HTR2C: variants seen among roughly 807,000 people sequenced by gnomAD.
HTR2C encodes 5-hydroxytryptamine receptor 2C.
In HTR2C, 5 loss-of-function variants were observed where a neutral mutation model predicts 21.0. The observed-to-expected ratio is 0.24, with a 90% CI of 0.12 to 0.50. The LOEUF (loss-of-function observed/expected upper bound fraction) is 0.50, where lower values mean the gene tolerates loss of function less well. Among genes scored for constraint, HTR2C ranks in the 20% least tolerant of loss-of-function variants. The pLI is 0.98. For synonymous variants in HTR2C, 150 were observed against 145.3 expected, an observed-to-expected ratio of 1.03 and a Z score of -0.23; for missense variants, 271 against 371.2, an observed-to-expected ratio of 0.73 and a Z score of 2.22.
intron 2 of HTR2C, among the ~76,000 whole-genome samples, chrX:114,650,651 T>C (rs887315483): frequency 2.7e-5 from 3 of 112,188 alleles, no homozygotes; most frequent in Non-Finnish European, 5.6e-5. Flanking sequence ...ACAGCATTAT[T>C]ACTGTATACA....
chrX:114,783,381 G>A (rs782537404), intron 4 of HTR2C, among the ~76,000 whole-genome samples: 2 of 111,682 alleles, frequency 1.8e-5, no homozygotes, highest in East Asian at 2.8e-4. Flanking sequence ...TACTGGAGAC[G>A]TAGCTGTTAA....
At chrX:114,700,470 T>C (rs905604108) in intron 2 of HTR2C, among the ~76,000 whole-genome samples, 1 of 112,162 alleles carries the variant, frequency 8.9e-6, no homozygotes, top group African/African-American at 3.2e-5. Context: ...ATGCTCATTT[T>C]ACCCACATCT....
chrX:114,801,879 A>T lies in HTR2C; in HGVS notation c.350-46124A>T, dbSNP rs1276475026. Among the ~76,000 whole-genome samples, 3 of 111,148 alleles carry T rather than the reference A, an allele frequency of 2.7e-5. No homozygotes were observed. In the Admixed American group the frequency reaches 2.9e-4, roughly 11 times the overall value. ...TGATAAATTATTATTGACTGTAGTC[A>T]CCCTGCTGTGCTATCAAATACTAGA... On this transcript the variant is annotated intron_variant, in intron 4 of 5. Transcript: ENST00000276198.
intron 2 of HTR2C, among the ~76,000 whole-genome samples, chrX:114,661,786 A>G (rs1930998946): frequency 8.9e-6 from 1 of 111,928 alleles, no homozygotes; most frequent in Admixed American, 9.5e-5. Context: ...GTAATACCCA[A>G]CTGTGGTTTT....
chrX:114,808,005 T>C (rs868944833), intron 4 of HTR2C, among the ~76,000 whole-genome samples: 56 of 110,937 alleles, frequency 5.0e-4, no homozygotes, highest in African/African-American at 1.8e-3. Flanking sequence ...CAATATAAAT[T>C]ATTGTTGACT....
intron 2 of HTR2C, among the ~76,000 whole-genome samples, chrX:114,665,924 G>A (rs1473816870): frequency 8.9e-6 from 1 of 111,897 alleles, no homozygotes; most frequent in African/African-American, 3.2e-5. Flanking sequence ...TTGGTTAGTT[G>A]CTGATATGTC....
In HTR2C at chrX:114,644,067, G is replaced by A. The variant is rs375148677; in HGVS notation, c.-80+30186G>A. On this transcript the variant is annotated intron_variant, in intron 2 of 5. Coordinates refer to ENST00000276198, the MANE Select transcript of HTR2C (RefSeq NM_000868.4). The stretch of plus-strand genomic sequence containing the variant: ...TAGATACATTTCTGAGAAGGGCTGC[G>A]CACGGTGGCTCATGCTTGTAATCCC... Among the ~76,000 whole-genome samples the A allele has an allele frequency of 4.8e-4, 53 of 109,367 alleles. No homozygotes were observed. In the South Asian group the frequency reaches 0.016, roughly 32 times the overall value. The allele number at this position is 109,367 out of a possible 115,157, so 95.0% of individuals were successfully genotyped here.
intron 2 of HTR2C, among the ~76,000 whole-genome samples, chrX:114,657,900 C>T (rs879990132): frequency 2.7e-5 from 3 of 110,385 alleles, no homozygotes; most frequent in Admixed American, 9.8e-5. Context: ...CTATTAATCT[C>T]GGTCAATTAA....
intron 4 of HTR2C, among the ~76,000 whole-genome samples, chrX:114,762,020 C>CGTG: frequency 2.0e-5 from 1 of 50,904 alleles, no homozygotes; most frequent in African/African-American, 5.6e-5. Context: ...AGTATATATA[C>CGTG]TATTTGTACA....
chrX:114,766,032 A>G (rs782197938), intron 4 of HTR2C, among the ~76,000 whole-genome samples: 38 of 111,848 alleles, frequency 3.4e-4, no homozygotes, highest in Non-Finnish European at 6.2e-4. Flanking sequence ...AGATACGGAA[A>G]GAATCAGCTT....
At chrX:114,702,757 C>G (rs1556417101) in intron 2 of HTR2C, among the ~76,000 whole-genome samples, 1 of 106,322 alleles carries the variant, frequency 9.4e-6, no homozygotes, top group African/African-American at 3.4e-5. Context: ...TTAAAAGACA[C>G]AGACTGGCAA....
rs73638448 is a variant in HTR2C, at chrX:114,629,463, A to G, written c.-80+15582A>G. Among the ~76,000 whole-genome samples, 1,043 of 112,066 alleles carry G rather than the reference A, an allele frequency of 9.3e-3. 15 individuals carry two copies. Among genetic ancestry groups the G allele is most frequent in the African/African-American group, 0.031 (965 of 30,907 alleles). ...AAAGTTCCAAACCTCAACTTTGTAC[A>G]TGAAACTTCCCCATACAGGGAGGAC... is the stretch of plus-strand genomic sequence containing the variant. On this transcript the variant is annotated intron_variant, in intron 2 of 5. Coordinates refer to ENST00000276198, the MANE Select transcript of HTR2C (RefSeq NM_000868.4).
intron 2 of HTR2C, among the ~76,000 whole-genome samples, chrX:114,625,989 G>T (rs1929353487): frequency 9.0e-6 from 1 of 111,141 alleles, no homozygotes; most frequent in Non-Finnish European, 1.9e-5. Flanking sequence ...AGTTTATTTT[G>T]GGGGAATGTT....
intron 4 of HTR2C, among the ~76,000 whole-genome samples, chrX:114,813,882 T>C (rs2070557759): frequency 9.0e-6 from 1 of 111,499 alleles, no homozygotes; most frequent in African/African-American, 3.3e-5. Context: ...GATTGTAATG[T>C]CATAAAGTTT....
intron 4 of HTR2C, chrX:114,776,527 G>C (rs2070058997): frequency 1.9e-6 from 1 of 538,897 alleles, no homozygotes; most frequent in African/African-American, 2.3e-5. Flanking sequence ...TATCAGACTA[G>C]ACAACAGCAT....
At chrX:114,749,721 AC>A (rs1297561744) in intron 4 of HTR2C, among the ~76,000 whole-genome samples, 2 of 111,037 alleles carry the variant, frequency 1.8e-5, no homozygotes, top group African/African-American at 3.3e-5. Flanking sequence ...CAACAAAAAA[AC>A]AAAAACAAAA....
chrX:114,666,048 C>T (rs1441790983), intron 2 of HTR2C, among the ~76,000 whole-genome samples: 1 of 111,883 alleles, frequency 8.9e-6, no homozygotes, highest in Non-Finnish European at 1.9e-5. Context: ...TGATATGATA[C>T]TGCCTCTCTT....
intron 2 of HTR2C, chrX:114,651,432 A>C (rs1930569311): frequency 8.1e-6 from 1 of 123,607 alleles, no homozygotes; most frequent in Non-Finnish European, 1.9e-5. Context: ...AAATCCTATA[A>C]TCTTTTGGCT....
intron 4 of HTR2C, among the ~76,000 whole-genome samples, chrX:114,759,643 C>A (rs1416655368): frequency 1.8e-4 from 20 of 111,256 alleles, no homozygotes; most frequent in Non-Finnish European, 2.4e-4. Flanking sequence ...ATATTTACAT[C>A]ATCTTTAACT....
Sources: allele counts gnomAD v4.1 joint callset (sites outside exome capture counted in the v4.1 genomes callset), GRCh38; gene constraint gnomAD v4.1.1; transcripts MANE v1.5; gene names NCBI Gene and HGNC (gene_info 2026-07-23, HGNC 2026-07-21).